The following XXYLT1 variants were observed in gnomAD, a reference collection of about 807,000 sequenced individuals.
The protein encoded by XXYLT1 is xyloside xylosyltransferase 1.
A neutral mutation model predicts 28.9 loss-of-function variants in XXYLT1; 20 were observed. That is an observed-to-expected ratio of 0.69 (90% CI 0.49 to 1.00). The LOEUF is 1.00. XXYLT1 is among the 50% of genes least tolerant of loss of function. XXYLT1 has a pLI of 0.00. For missense variants in XXYLT1, 542 were observed against 560.1 expected, an observed-to-expected ratio of 0.97 and a Z score of 0.33; for synonymous variants, 257 against 253.8, an observed-to-expected ratio of 1.01 and a Z score of -0.12.
intron 3 of XXYLT1, among the ~76,000 whole-genome samples, chr3:195,107,898 G>T (rs1717242370): frequency 6.6e-6 from 1 of 152,018 alleles, no homozygotes; most frequent in South Asian, 2.1e-4. Flanking sequence ...CCGCACAGTG[G>T]GGCCCTTCTT....
chr3:195,242,134 G>A (rs1195775690), intron 1 of XXYLT1, among the ~76,000 whole-genome samples: 2 of 152,160 alleles, frequency 1.3e-5, no homozygotes, highest in Admixed American at 6.5e-5. Flanking sequence ...GAGGAGGGGC[G>A]ATGGGACAAC....
At chr3:195,243,103 C>G (rs1434967776) in intron 1 of XXYLT1, among the ~76,000 whole-genome samples, 1 of 152,158 alleles carries the variant, frequency 6.6e-6, no homozygotes, top group South Asian at 2.1e-4. Context: ...AGCAAACTAT[C>G]GCAAGGACAG....
At chr3:195,241,848 A>C (rs1268586179) in intron 1 of XXYLT1, among the ~76,000 whole-genome samples, 1 of 152,072 alleles carries the variant, frequency 6.6e-6, no homozygotes, top group East Asian at 1.9e-4. Flanking sequence ...ACAGACATGC[A>C]CACAACACAC....
Position 195,257,692 on chromosome 3 carries a change from C to T in XXYLT1, c.504+12863G>A, listed in dbSNP as rs1261533558. On this transcript the variant is annotated intron_variant, in intron 1 of 3. Transcript: ENST00000310380. The surrounding 1 kb of genome is among the most constrained non-coding windows in gnomAD (Gnocchi z 4.3). Reference sequence around the variant, plus strand: ...AGTCCTGGCTACTGCTGACTCTCTGCCAACCCAGAGAGCCACACACTCACC... The same window carrying T: ...AGTCCTGGCTACTGCTGACTCTCTGTCAACCCAGAGAGCCACACACTCACC... 6.6e-6 allele frequency among the ~76,000 whole-genome samples: 1 copy of T among 152,052 alleles called. No individual in the cohort carries two copies. The highest frequency in any genetic ancestry group is 1.5e-5 in the Non-Finnish European group (1 of 68,000).
intron 3 of XXYLT1, among the ~76,000 whole-genome samples, chr3:195,113,072 T>C (rs1717865478): frequency 6.6e-6 from 1 of 152,196 alleles, no homozygotes; most frequent in African/African-American, 2.4e-5. Flanking sequence ...GGAACATTAA[T>C]CCATACCCAG....
intron 1 of XXYLT1, among the ~76,000 whole-genome samples, chr3:195,229,033 G>A (rs1325693220): frequency 8.6e-5 from 13 of 151,714 alleles, no homozygotes; most frequent in African/African-American, 2.7e-4. Flanking sequence ...GGCTGGTCTC[G>A]AACTCCTGAC....
intron 2 of XXYLT1, among the ~76,000 whole-genome samples, chr3:195,222,520 G>A (rs897902893): frequency 3.9e-5 from 6 of 152,176 alleles, no homozygotes; most frequent in African/African-American, 1.4e-4. Flanking sequence ...CTCTGGCCCA[G>A]TAATGCTACC....
chr3:195,143,593 C>T (rs552099861), intron 3 of XXYLT1, among the ~76,000 whole-genome samples: 39 of 151,924 alleles, frequency 2.6e-4, no homozygotes, highest in African/African-American at 9.4e-4. Flanking sequence ...TTCCTTTCCT[C>T]TCTTCTACAA....
chr3:195,089,461 C>T (rs1199730349), intron 3 of XXYLT1, among the ~76,000 whole-genome samples: 1 of 152,048 alleles, frequency 6.6e-6, no homozygotes, highest in Non-Finnish European at 1.5e-5. Context: ...AAATACTTTA[C>T]AGACAAACAA....
At chr3:195,095,478 C>G (rs375275071) in intron 3 of XXYLT1, 8 of 153,884 alleles carry the variant, frequency 5.2e-5, no homozygotes, top group African/African-American at 1.9e-4. Context: ...GGGGACAGCT[C>G]CTAGAGCTGA....
chr3:195,163,520 G>T (rs1052229379), intron 2 of XXYLT1, among the ~76,000 whole-genome samples: 2 of 152,172 alleles, frequency 1.3e-5, no homozygotes, highest in Non-Finnish European at 2.9e-5. Flanking sequence ...ACAATGATAG[G>T]ACTAATTCCT....
In XXYLT1 at chr3:195,126,924, GA is replaced by G. The variant is rs532080824; in HGVS notation, c.785+29524del. On this transcript the variant is annotated intron_variant, in intron 3 of 3. Transcript: ENST00000310380. ...TATGGTGTTATAAAACAGAGGGTCC[GA>G]AAGACTCTCACAGGGAAGCAGAAGG... Among the ~76,000 whole-genome samples, 26 of 152,298 alleles carry G rather than the reference GA, an allele frequency of 1.7e-4. No homozygotes were observed. In the South Asian group the frequency reaches 5.2e-3, roughly 30 times the overall value.
At chr3:195,102,727 G>C (rs1716860783) in intron 3 of XXYLT1, among the ~76,000 whole-genome samples, 1 of 152,052 alleles carries the variant, frequency 6.6e-6, no homozygotes, top group Admixed American at 6.6e-5. Flanking sequence ...CAGACATTTA[G>C]GTTCTTTCCG....
chr3:195,175,766 C>T, intron 2 of XXYLT1: 3 of 1,521,758 alleles, frequency 2.0e-6, no homozygotes, highest in Non-Finnish European at 2.6e-6. Context: ...TCAGCCACTG[C>T]TCCCCTGGAA....
At chr3:195,234,036 C>A (rs919282972) in intron 1 of XXYLT1, among the ~76,000 whole-genome samples, 2 of 151,898 alleles carry the variant, frequency 1.3e-5, no homozygotes, top group African/African-American at 4.8e-5. Context: ...CCTGCCTCAG[C>A]CTCCCAAGTG....
chr3:195,098,032 C>T (rs1716548771), intron 3 of XXYLT1, among the ~76,000 whole-genome samples: 1 of 152,086 alleles, frequency 6.6e-6, no homozygotes, highest in African/African-American at 2.4e-5. Flanking sequence ...GGCCTAGGGG[C>T]AGCAGAGAGT....
intron 3 of XXYLT1, among the ~76,000 whole-genome samples, chr3:195,099,132 C>A (rs1716621868): frequency 6.6e-6 from 1 of 152,214 alleles, no homozygotes; most frequent in South Asian, 2.1e-4. Flanking sequence ...CAGACAGACA[C>A]CGCGTTCTCA....
chr3:195,253,745 C>T (rs112356700), intron 1 of XXYLT1, among the ~76,000 whole-genome samples: 1 of 151,994 alleles, frequency 6.6e-6, no homozygotes, highest in Non-Finnish European at 1.5e-5. Context: ...GTGATCCGCC[C>T]GCCTCGGCCT....
chr3:195,196,230 T>C (rs1269992462), intron 2 of XXYLT1, among the ~76,000 whole-genome samples: 1 of 150,672 alleles, frequency 6.6e-6, no homozygotes, highest in South Asian at 2.1e-4. Context: ...TTTTAATTAA[T>C]TAAACAAAAA....
Sources: gnomAD v4.1 joint callset for allele counts (sites outside exome capture counted in the v4.1 genomes callset) on GRCh38, gnomAD v4.1.1 for gene constraint, Gnocchi (gnomAD v3.1) non-coding constraint, MANE v1.5 for transcripts, NCBI Gene and HGNC (gene_info 2026-07-23, HGNC 2026-07-21) for gene names.